The following CHST9 variants were observed in gnomAD, a reference collection of about 807,000 sequenced individuals.
The protein encoded by CHST9 is carbohydrate sulfotransferase 9, also known as GalNAc-4-sulfotransferase 2.
In CHST9, 41 loss-of-function variants were observed where a neutral mutation model predicts 44.4. The observed-to-expected ratio is 0.92, with a 90% confidence interval of 0.72 to 1.20. The LOEUF is 1.20. Ranked by LOEUF, CHST9 falls within the 50% of genes most tolerant of loss-of-function variation. The pLI, the probability that CHST9 is intolerant of heterozygous loss-of-function variation, is 0.00. For missense variants in CHST9, 504 were observed against 516.5 expected (o/e 0.98, Z 0.23); for synonymous variants, 171 against 178.4 (o/e 0.96, Z 0.33).
At chr18:27,182,528 A>T (rs1226171209) in intron 1 of CHST9, among the ~76,000 whole-genome samples, 4 of 152,190 alleles carry the variant, frequency 2.6e-5, no homozygotes, top group East Asian at 1.9e-4. Context: ...CCCATATTTG[A>T]GTGAAAAGAA....
intron 2 of CHST9, among the ~76,000 whole-genome samples, chr18:27,142,482 A>G (rs1003746124): frequency 6.6e-6 from 1 of 152,154 alleles, no homozygotes; most frequent in Admixed American, 6.5e-5. Context: ...GATAACAAAA[A>G]TTTCCATTGT....
At chr18:26,989,036 GA>G (rs1568122784) in intron 4 of CHST9, among the ~76,000 whole-genome samples, 1 of 151,686 alleles carries the variant, frequency 6.6e-6, no homozygotes, top group East Asian at 1.9e-4. Flanking sequence ...ACCTATATAA[GA>G]AAAAAAGAAA....
chr18:27,163,615 G>T (rs1482030650), intron 1 of CHST9, among the ~76,000 whole-genome samples: 1 of 152,222 alleles, frequency 6.6e-6, no homozygotes, highest in Non-Finnish European at 1.5e-5. Context: ...CTCCAAGCCA[G>T]GTGCAGGATA....
intron 4 of CHST9, among the ~76,000 whole-genome samples, chr18:26,971,433 C>T (rs2056540954): frequency 6.6e-6 from 1 of 152,230 alleles, no homozygotes; most frequent in Non-Finnish European, 1.5e-5. Flanking sequence ...CATTCCTGAA[C>T]ATGTGAGACA....
intron 2 of CHST9, among the ~76,000 whole-genome samples, chr18:27,112,965 G>A (rs147160352): frequency 0.018 from 2,734 of 152,064 alleles, 72 homozygotes; most frequent in African/African-American, 0.061. Flanking sequence ...CGAGGCCGGT[G>A]GATCATGAGG....
intron 1 of CHST9, among the ~76,000 whole-genome samples, chr18:27,163,596 C>T (rs1448895831): frequency 1.3e-5 from 2 of 152,192 alleles, no homozygotes; most frequent in Non-Finnish European, 2.9e-5. Flanking sequence ...GCTCCGTGGG[C>T]GTAGGACCCT....
At chr18:26,943,125 T>C (rs2056108772) in intron 5 of CHST9, among the ~76,000 whole-genome samples, 1 of 151,974 alleles carries the variant, frequency 6.6e-6, no homozygotes, top group Admixed American at 6.6e-5. Context: ...AGAAAGAAAC[T>C]AAGTTTAAAA....
chr18:26,990,990 T>C (rs372610205), intron 4 of CHST9, among the ~76,000 whole-genome samples: 14 of 152,164 alleles, frequency 9.2e-5, no homozygotes, highest in African/African-American at 3.4e-4. Flanking sequence ...GAGAGAAACT[T>C]GGGGCTGAGA....
chr18:27,049,206 G>T (rs1458933749), intron 2 of CHST9, among the ~76,000 whole-genome samples: 1 of 152,102 alleles, frequency 6.6e-6, no homozygotes, highest in Non-Finnish European at 1.5e-5. Context: ...TGGAGAGGAG[G>T]GAAGTAGTGG....
intron 4 of CHST9, among the ~76,000 whole-genome samples, chr18:26,975,201 G>T (rs1770403431): frequency 6.6e-6 from 1 of 152,134 alleles, no homozygotes; most frequent in Admixed American, 6.5e-5. Flanking sequence ...GTGATCAATT[G>T]CTTCCAGGAG....
At chr18:27,125,876 G>A (rs2058417937) in intron 2 of CHST9, among the ~76,000 whole-genome samples, 1 of 152,142 alleles carries the variant, frequency 6.6e-6, no homozygotes, top group Non-Finnish European at 1.5e-5. Context: ...ACCCAAGTGA[G>A]TTTCAATATT....
chr18:26,934,575 C>G (rs2145094861), intron 5 of CHST9: 1 of 152,330 alleles, frequency 6.6e-6, no homozygotes, highest in African/African-American at 2.4e-5. Context: ...AGCCAAGTGG[C>G]AAACAGACTT....
intron 4 of CHST9, chr18:26,952,098 A>T: frequency 4.7e-6 from 2 of 421,176 alleles, no homozygotes; most frequent in South Asian, 3.7e-5. Context: ...GCAATACTCG[A>T]ACAGCAAAGA....
rs2055538224 is a variant in CHST9, at chr18:26,916,894, C to T, written c.697G>A (p.Val233Ile). 6.2e-7 allele frequency: 1 copy of T among 1,613,734 alleles called. No individual in the cohort carries two copies. Among genetic ancestry groups the T allele is most frequent in the African/African-American group, 1.3e-5 (1 of 74,862 alleles). ...GCSNWKRILM[V>I]LNGLASSAYN... is the part of the protein sequence containing the mutation. The stretch of plus-strand genomic sequence containing the variant: ...GCAGAGGAAGCCAATCCATTTAGTA[C>T]CATCAGAATTCTTTTCCAATTGGAA... The change falls in exon 6 of 6, where the codon GTA (valine) becomes ATA (isoleucine). Residue 233 changes from valine to isoleucine, a missense_variant. By Grantham distance (29) the Val-to-Ile change is conservative. Transcript: ENST00000618847.
intron 4 of CHST9, among the ~76,000 whole-genome samples, chr18:27,017,216 A>G (rs2057165362): frequency 6.6e-6 from 1 of 152,224 alleles, no homozygotes; most frequent in Non-Finnish European, 1.5e-5. Context: ...TGCATTTTCA[A>G]CATAACGATA....
At chr18:26,938,061 T>C (rs114646218) in intron 5 of CHST9, among the ~76,000 whole-genome samples, 134 of 150,530 alleles carry the variant, frequency 8.9e-4, no homozygotes, top group African/African-American at 3.2e-3. Context: ...TGTGAATAGT[T>C]CTCACAGTGT....
intron 1 of CHST9, among the ~76,000 whole-genome samples, chr18:27,143,602 T>A (rs28646166): frequency 0.016 from 2,486 of 151,934 alleles, 53 homozygotes; most frequent in African/African-American, 0.05. Context: ...TTATTTTTTT[T>A]AAAAAAATTG....
At chr18:26,946,840 T>C (rs1365247788) in intron 4 of CHST9, among the ~76,000 whole-genome samples, 1 of 152,140 alleles carries the variant, frequency 6.6e-6, no homozygotes, top group Non-Finnish European at 1.5e-5. Flanking sequence ...ATGTGTGGTG[T>C]TATTTCTGAG....
At chr18:26,991,601 C>T (rs1354490326) in intron 4 of CHST9, among the ~76,000 whole-genome samples, 1 of 152,102 alleles carries the variant, frequency 6.6e-6, no homozygotes, top group African/African-American at 2.4e-5. Context: ...GACAAAACAG[C>T]ATTGAGCTAC....
Sources: allele counts gnomAD v4.1 joint callset (sites outside exome capture counted in the v4.1 genomes callset), GRCh38; gene constraint gnomAD v4.1.1; transcripts MANE v1.5; gene names NCBI Gene and HGNC (gene_info 2026-07-23, HGNC 2026-07-21).